The following HHIP variants were observed in gnomAD, a reference collection of about 807,000 sequenced individuals.
HHIP encodes the protein hedgehog interacting protein.
In HHIP, 12 loss-of-function variants were observed where a neutral mutation model predicts 74.0. That is an observed-to-expected ratio of 0.16 (90% CI 0.10 to 0.26). The LOEUF (loss-of-function observed/expected upper bound fraction) is 0.26. HHIP is among the 10% of genes least tolerant of loss of function. The pLI is 1.00. For missense variants in HHIP, 788 were observed against 845.0 expected, an observed-to-expected ratio of 0.93 and a Z score of 0.84; for synonymous variants, 309 against 311.6, an observed-to-expected ratio of 0.99 and a Z score of 0.09.
In HHIP at chr4:144,718,931, C is replaced by T. The variant is rs1294275264; in HGVS notation, c.1735C>T (p.Leu579Phe). Residue 579 changes from leucine to phenylalanine, a missense_variant, in exon 11 of 13, where the codon CTC becomes TTC. By Grantham distance (22) the Leu-to-Phe change is conservative (BLOSUM62 0). Coordinates refer to ENST00000296575, the MANE Select transcript of HHIP (RefSeq NM_022475.3). ...KSMTQTHNGK[L>F]YKIVDPKRPL... The stretch of plus-strand genomic sequence containing the variant: ...TATGACCCAGACTCACAATGGAAAA[C>T]TCTACAAAATTGTAGATCCCAAAAG... 6.2e-7 allele frequency: 1 copy of T among 1,606,676 alleles called. No homozygotes were observed. Among genetic ancestry groups the T allele is most frequent in the Non-Finnish European group, 8.5e-7 (1 of 1,173,526 alleles).
intron 1 of HHIP, chr4:144,648,652 C>T (rs1560691150): frequency 6.6e-6 from 1 of 152,054 alleles, no homozygotes; most frequent in East Asian, 1.9e-4. Context: ...ATTAAGTCTC[C>T]CTTGGTGCAA....
chr4:144,647,079 C>G, intron 1 of HHIP, 125 bp downstream of exon 1: 2 of 761,392 alleles, frequency 2.6e-6, no homozygotes, highest in Non-Finnish European at 4.2e-6. Flanking sequence ...CTTTCCATAA[C>G]TTTTCTATAG....
chr4:144,669,957 T>C (rs904486565), intron 4 of HHIP, among the ~76,000 whole-genome samples: 10 of 139,420 alleles, frequency 7.2e-5, no homozygotes, highest in Admixed American at 5.3e-4. Context: ...CTGACAAACA[T>C]GGAAAAACCC....
chr4:144,658,701 A>G, intron 2 of HHIP, 89 bp from the exon 3 acceptor site: 1 of 1,117,790 alleles, frequency 8.9e-7, no homozygotes, highest in East Asian at 2.4e-5. Flanking sequence ...AGTTTCCCAA[A>G]ATTCTTTTCC....
At chr4:144,670,958 C>T (rs990094531) in intron 4 of HHIP, among the ~76,000 whole-genome samples, 4 of 151,924 alleles carry the variant, frequency 2.6e-5, no homozygotes, top group African/African-American at 7.3e-5. Flanking sequence ...AAACCTGAAC[C>T]GACGTCCCTC....
intron 11 of HHIP, among the ~76,000 whole-genome samples, chr4:144,723,845 G>C (rs1169451470): frequency 6.6e-6 from 1 of 152,160 alleles, no homozygotes; most frequent in African/African-American, 2.4e-5. Flanking sequence ...ATTCAGCATG[G>C]TGGATTTGAA....
chr4:144,744,655 T>C lies in HHIP; in HGVS notation c.*6698T>C, dbSNP rs1731335768. On this transcript the variant is annotated 3_prime_UTR_variant, in exon 13 of 13. Transcript: ENST00000296575. ...GATTTATTTAACCAAGTTATTATAA[T>C]ATGCAGTTCTCTTTAATCAATCTTC... 6.6e-6 allele frequency: 1 copy of C among 152,246 alleles called. No homozygotes were observed. Among genetic ancestry groups the C allele is most frequent in the Non-Finnish European group, 1.5e-5 (1 of 68,040 alleles). The allele number at this position is 152,246 out of a possible 1,614,324, so 9.4% of individuals were successfully genotyped here.
intron 1 of HHIP, chr4:144,647,267 G>C (rs1178440488): frequency 3.1e-5 from 9 of 289,984 alleles, no homozygotes; most frequent in Non-Finnish European, 5.7e-5. Context: ...AGTGTGTTTT[G>C]GATCGAATGG....
chr4:144,710,033 T>C (rs1428059172), intron 7 of HHIP, among the ~76,000 whole-genome samples: 2 of 152,132 alleles, frequency 1.3e-5, no homozygotes, highest in African/African-American at 2.4e-5. Flanking sequence ...TCCACCATTA[T>C]AGTATCACCC....
chr4:144,649,863 T>C (rs568638386), intron 1 of HHIP, among the ~76,000 whole-genome samples: 80 of 152,314 alleles, frequency 5.3e-4, no homozygotes, highest in African/African-American at 1.8e-3. Context: ...CTTTAACAGC[T>C]GCCTTAGTAC....
rs149535350 is a variant in HHIP at position 144,671,664 on chromosome 4, A to G, written c.831+11826A>G. On this transcript the variant is annotated intron_variant, in intron 4 of 12. Transcript: ENST00000296575. Reference sequence around the variant, plus strand: ...TGATGGCATCATCTCTTCGGGGATCATGACGGCCTCATCTATGAAGTCAAA... The same window carrying G: ...TGATGGCATCATCTCTTCGGGGATCGTGACGGCCTCATCTATGAAGTCAAA... 4.7e-3 allele frequency among the ~76,000 whole-genome samples: 709 copies of G among 152,302 alleles called. 3 individuals are homozygous for G. The highest frequency in any genetic ancestry group is 0.016 in the South Asian group (77 of 4,822).
At chr4:144,670,455 C>A (rs1186723071) in intron 4 of HHIP, among the ~76,000 whole-genome samples, 988 of 116,192 alleles carry the variant, frequency 8.5e-3, no homozygotes, top group Middle Eastern at 0.01. Flanking sequence ...AAGAGACTGT[C>A]AAAAAAAAAA....
At chr4:144,732,892 T>C (rs1482773172) in intron 11 of HHIP, among the ~76,000 whole-genome samples, 1 of 152,194 alleles carries the variant, frequency 6.6e-6, no homozygotes, top group African/African-American at 2.4e-5. Flanking sequence ...ATGCACAGAA[T>C]TCTGCAATTT....
At chr4:144,736,038 A>T (rs1259932714) in intron 12 of HHIP, among the ~76,000 whole-genome samples, 1 of 152,004 alleles carries the variant, frequency 6.6e-6, no homozygotes, top group Non-Finnish European at 1.5e-5. Flanking sequence ...GACCAAAAAT[A>T]TGAGAATCAG....
intron 4 of HHIP, among the ~76,000 whole-genome samples, chr4:144,666,397 C>T (rs1288974049): frequency 1.3e-5 from 2 of 152,074 alleles, no homozygotes; most frequent in Non-Finnish European, 2.9e-5. Context: ...CAGACACTCT[C>T]TTCTTCTTTC....
chr4:144,734,789 A>G lies in HHIP; in HGVS notation c.1809A>G (p.Thr603=). Residue 603 remains threonine, a synonymous_variant, in exon 12 of 13, where the codon ACA becomes ACG. Transcript: ENST00000296575. ...ECRATVQPAQ[T]LTSECSRLCR... is the part of the protein sequence containing the mutation. The stretch of plus-strand genomic sequence containing the variant: ...GAGCCACGGTACAACCTGCACAGAC[A>G]CTGACTTCAGAGTGCTCCAGGCTCT... 1.2e-6 allele frequency: 2 copies of G among 1,611,984 alleles called. No individual in the cohort carries two copies. The highest frequency in any genetic ancestry group is 1.1e-5 in the South Asian group (1 of 90,828).
chr4:144,676,507 A>T (rs1729171974), intron 4 of HHIP, among the ~76,000 whole-genome samples: 1 of 152,236 alleles, frequency 6.6e-6, no homozygotes, highest in South Asian at 2.1e-4. Flanking sequence ...TGTAACCATT[A>T]CAGCATGTCC....
chr4:144,718,695 A>T (rs554545331), intron 10 of HHIP, among the ~76,000 whole-genome samples, 180 bp from the exon 11 acceptor site: 15 of 152,224 alleles, frequency 9.9e-5, no homozygotes, highest in African/African-American at 3.6e-4. Context: ...GAGTGACTGG[A>T]ATCTGGAATT....
At chr4:144,729,126 T>C (rs189675827) in intron 11 of HHIP, among the ~76,000 whole-genome samples, 3 of 152,304 alleles carry the variant, frequency 2.0e-5, no homozygotes, top group South Asian at 4.1e-4. Flanking sequence ...CAGCAAGTAC[T>C]ATACTAGCAC....
Sources: allele counts gnomAD v4.1 joint callset (sites outside exome capture counted in the v4.1 genomes callset), GRCh38; gene constraint gnomAD v4.1.1; transcripts MANE v1.5; gene names NCBI Gene and HGNC (gene_info 2026-07-23, HGNC 2026-07-21).